Variants in GNS observed in about 807,000 individuals in gnomAD.
The protein encoded by GNS is N-acetylglucosamine-6-sulfatase.
In GNS, 40 loss-of-function variants were observed where a neutral mutation model predicts 69.7. The ratio of observed to expected loss-of-function variants is 0.57; its 90% CI spans 0.45 to 0.75. The LOEUF is 0.75. Ranked by LOEUF, GNS falls within the 30% of genes least tolerant of loss-of-function variation. GNS has a pLI of 0.00. For synonymous variants in GNS, 243 were observed against 251.6 expected (o/e 0.97, Z 0.32); for missense variants, 565 against 685.5 (o/e 0.82, Z 1.96).
At chr12:64,757,048 A>T (rs529013979) in intron 1 of GNS, among the ~76,000 whole-genome samples, 58 of 152,268 alleles carry the variant, frequency 3.8e-4, no homozygotes, top group African/African-American at 1.4e-3. Flanking sequence ...ACGTAGTGAC[A>T]TGTGCCTGTA....
chr12:64,740,604 A>G lies in GNS; in HGVS notation c.875+2T>C, dbSNP rs1355930501. On this transcript the variant is annotated splice_donor_variant, in intron 7 of 13. Transcript: ENST00000258145. LOFTEE classifies it high-confidence loss of function. ...AGATTGTTATGTAGCAGCAGCTCTT[A>G]CCTTTTCCTAAATGCATTATCTAAA... The G allele has an allele frequency of 1.3e-6, 2 of 1,483,880 alleles. No individual in the cohort carries two copies. Among genetic ancestry groups the G allele is most frequent in the Non-Finnish European group, 1.9e-6 (2 of 1,061,098 alleles). The allele number at this position is 1,483,880 out of a possible 1,614,324, so 91.9% of individuals were successfully genotyped here.
intron 11 of GNS, 200 bp downstream of exon 11, chr12:64,722,806 C>A (rs1387535565): frequency 3.5e-6 from 2 of 577,578 alleles, no homozygotes; most frequent in Non-Finnish European, 6.3e-6. Context: ...GGAAGATTAA[C>A]AGTGCACATT....
chr12:64,751,656 C>A (rs568951444), intron 2 of GNS, among the ~76,000 whole-genome samples: 1 of 152,132 alleles, frequency 6.6e-6, no homozygotes, highest in African/African-American at 2.4e-5. Flanking sequence ...TGTTGGTAGA[C>A]ATATAATAAC....
chr12:64,737,046 C>T lies in GNS; in HGVS notation c.1056G>A (p.Leu352=), dbSNP rs754626354. ...QLYEFDIKVP[L]LVRGPGIKPN... is the part of the protein sequence containing the mutation. ...GTTTGATCCCAGGTCCTCGAACCAA[C>T]AGTGGAACTTTGATATCAAACTCAT... Residue 352 remains leucine (L), a synonymous_variant, in exon 9 of 14, where the codon CTG becomes CTA. Transcript: ENST00000258145. 2.5e-6 allele frequency: 4 copies of T among 1,605,810 alleles called. No individual in the cohort carries two copies. The highest frequency in any genetic ancestry group is 1.7e-4 in the Middle Eastern group (1 of 6,042).
chr12:64,739,055 C>CAGA (rs1265420198), intron 8 of GNS, among the ~76,000 whole-genome samples: 1 of 152,148 alleles, frequency 6.6e-6, no homozygotes, highest in Non-Finnish European at 1.5e-5. Context: ...CCATGAATGG[C>CAGA]AAGAAAGTTT....
chr12:64,741,534 C>T (rs911900939), intron 6 of GNS, among the ~76,000 whole-genome samples: 2 of 151,994 alleles, frequency 1.3e-5, no homozygotes, highest in Non-Finnish European at 2.9e-5. Flanking sequence ...GATCCTCTTG[C>T]CTTAGCCTCC....
At chr12:64,724,848 G>A (rs1049225855) in intron 10 of GNS, among the ~76,000 whole-genome samples, 2 of 152,170 alleles carry the variant, frequency 1.3e-5, no homozygotes, top group African/African-American at 2.4e-5. Context: ...GTGACAGAGC[G>A]AGACTCTGTC....
intron 6 of GNS, 34 bp downstream of exon 6, chr12:64,743,107 A>C: frequency 1.3e-6 from 2 of 1,505,858 alleles, no homozygotes; most frequent in Non-Finnish European, 1.8e-6. Context: ...AATGATACTT[A>C]GTATGGCTGA....
At chr12:64,718,254 T>C (rs1386861815) in intron 13 of GNS, among the ~76,000 whole-genome samples, 1 of 152,208 alleles carries the variant, frequency 6.6e-6, no homozygotes, top group Non-Finnish European at 1.5e-5. Context: ...AAATGTTTGA[T>C]AGGAAAGGAA....
intron 7 of GNS, among the ~76,000 whole-genome samples, chr12:64,739,741 ATAAT>A (rs1188739938): frequency 1.3e-5 from 2 of 152,210 alleles, no homozygotes; most frequent in Non-Finnish European, 2.9e-5. Flanking sequence ...ATTCCAGAAC[ATAAT>A]TAATTCATTC....
At chr12:64,750,665 A>G (rs1435761847) in intron 2 of GNS, among the ~76,000 whole-genome samples, 1 of 152,130 alleles carries the variant, frequency 6.6e-6, no homozygotes, top group Non-Finnish European at 1.5e-5. Context: ...GCTATTTGGG[A>G]AGCTAAAGCA....
rs1412571107 is a variant in GNS at position 64,743,159 on chromosome 12, G to A, written c.774C>T (p.Asn258=). The part of the protein sequence containing the change: ...FQNVFAPRNK[N]FNIHGTNKHW... ...AAGCTACCGTTCCATGGATGTTGAAGTTCTTGTTTCTTGGTGCAAAGACAT... is the reference window on the plus strand; with the variant it reads ...AAGCTACCGTTCCATGGATGTTGAAATTCTTGTTTCTTGGTGCAAAGACAT... The change falls in exon 6 of 14, where the codon AAC becomes AAT. Residue 258 remains asparagine, a synonymous_variant. Transcript: ENST00000258145. 6.2e-7 allele frequency: 1 copy of A among 1,613,296 alleles called. No individual in the cohort carries two copies. Among genetic ancestry groups the A allele is most frequent in the Admixed American group, 1.7e-5 (1 of 60,030 alleles).
At chr12:64,723,245 A>G in intron 10 of GNS, 132 bp from the exon 11 acceptor site, 2 of 693,148 alleles carry the variant, frequency 2.9e-6, no homozygotes, top group Non-Finnish European at 5.3e-6. Context: ...AAAGGGAATG[A>G]CTAAAACAGG....
chr12:64,722,974 A>G, intron 11 of GNS, 32 bp downstream of exon 11: 1 of 1,250,360 alleles, frequency 8.0e-7, no homozygotes. Flanking sequence ...TCAGTGAGAA[A>G]GCTGTCTAAG....
intron 10 of GNS, among the ~76,000 whole-genome samples, chr12:64,727,472 T>C (rs1016852484): frequency 6.6e-6 from 1 of 151,882 alleles, no homozygotes; most frequent in African/African-American, 2.4e-5. Flanking sequence ...GCATTATTCA[T>C]AATAGCCAAA....
chr12:64,744,240 T>G (rs1869831030), intron 5 of GNS, among the ~76,000 whole-genome samples: 1 of 152,218 alleles, frequency 6.6e-6, no homozygotes, highest in South Asian at 2.1e-4. Context: ...TAAAATTAAC[T>G]TCCACAGAAT....
chr12:64,725,434 G>A (rs1374836247), intron 10 of GNS, among the ~76,000 whole-genome samples: 1 of 152,160 alleles, frequency 6.6e-6, no homozygotes, highest in Non-Finnish European at 1.5e-5. Flanking sequence ...AAACATTCTC[G>A]ATCTTTGCTG....
chr12:64,758,225 T>A (rs749408393), intron 1 of GNS, among the ~76,000 whole-genome samples: 1 of 150,534 alleles, frequency 6.6e-6, no homozygotes, highest in Non-Finnish European at 1.5e-5. Flanking sequence ...TCAATCACAC[T>A]AATTGAATTT....
intron 10 of GNS, among the ~76,000 whole-genome samples, chr12:64,727,187 A>C (rs1869229491): frequency 1.3e-5 from 2 of 150,834 alleles, no homozygotes; most frequent in South Asian, 4.2e-4. Flanking sequence ...TTTTCTTAAA[A>C]TCTTGGAAAA....
Sources: allele counts gnomAD v4.1 joint callset (sites outside exome capture counted in the v4.1 genomes callset), GRCh38; gene constraint gnomAD v4.1.1; transcripts MANE v1.5; gene names NCBI Gene and HGNC (gene_info 2026-07-23, HGNC 2026-07-21).